TRIM44: variants seen among roughly 807,000 people sequenced by gnomAD.
TRIM44 encodes the protein tripartite motif containing 44.
A neutral mutation model predicts 37.4 loss-of-function variants in TRIM44; 13 were observed. The observed-to-expected ratio is 0.35, with a 90% CI of 0.23 to 0.55. The LOEUF is 0.55. Ranked by LOEUF, TRIM44 falls within the 20% of genes least tolerant of loss-of-function variation. TRIM44 has a pLI of 0.89. For missense variants in TRIM44, 426 were observed against 437.2 expected (o/e 0.97, Z 0.23); for synonymous variants, 175 against 157.2 (o/e 1.11, Z -0.85).
chr11:35,799,731 A>G (rs1419668976), intron 4 of TRIM44, among the ~76,000 whole-genome samples: 1 of 152,184 alleles, frequency 6.6e-6, no homozygotes, highest in Non-Finnish European at 1.5e-5. Context: ...AGATAATACC[A>G]GAAGCTATCG....
At chr11:35,682,864 A>G (rs1359660223) in intron 1 of TRIM44, among the ~76,000 whole-genome samples, 6 of 152,212 alleles carry the variant, frequency 3.9e-5, no homozygotes, top group Admixed American at 3.9e-4. Context: ...TTGTCGTTTT[A>G]TTCTTTTCTG....
chr11:35,756,370 T>C (rs1345135791), intron 4 of TRIM44, among the ~76,000 whole-genome samples: 3 of 152,218 alleles, frequency 2.0e-5, no homozygotes, highest in African/African-American at 4.8e-5. Flanking sequence ...CCTGAGACTT[T>C]GCTGAAGTTG....
chr11:35,796,445 G>A (rs1312868939), intron 4 of TRIM44, among the ~76,000 whole-genome samples: 2 of 152,188 alleles, frequency 1.3e-5, no homozygotes, highest in African/African-American at 2.4e-5. Context: ...TAAATCTTAT[G>A]TTTAAGATTT....
chr11:35,724,011 CATT>C (rs1852138782), intron 2 of TRIM44, among the ~76,000 whole-genome samples: 1 of 152,118 alleles, frequency 6.6e-6, no homozygotes, highest in Non-Finnish European at 1.5e-5. Context: ...TTTACAGGGA[CATT>C]AATAACATTT....
At chr11:35,724,265 C>T (rs893535923) in intron 2 of TRIM44, 2 of 152,180 alleles carry the variant, frequency 1.3e-5, no homozygotes, top group African/African-American at 4.8e-5. Context: ...TCACAGTTTC[C>T]TTTCTTAGGT....
At chr11:35,741,898 G>C (rs1852401723) in intron 4 of TRIM44, among the ~76,000 whole-genome samples, 1 of 152,130 alleles carries the variant, frequency 6.6e-6, no homozygotes, top group South Asian at 2.1e-4. Flanking sequence ...GTTTGAAAGA[G>C]AGCTAAATAA....
rs193193381 is a variant in TRIM44 at position 35,671,170 on chromosome 11, T to C, written c.669+7390T>C. Among the ~76,000 whole-genome samples, 8 of 152,340 alleles carry C rather than the reference T, an allele frequency of 5.3e-5. No homozygotes were observed. In the East Asian group the frequency reaches 1.5e-3, roughly 29 times the overall value. On this transcript the variant is annotated intron_variant, in intron 1 of 4. Coordinates refer to ENST00000299413, the MANE Select transcript of TRIM44 (RefSeq NM_017583.6). ...TGAAAGTCTGTACTTCTGTCAGAGC[T>C]TACATTCTGTTGGAAGGAAGTAGAA...
intron 3 of TRIM44, 141 bp downstream of exon 3, chr11:35,726,304 C>A (rs1412082639): frequency 1.8e-6 from 2 of 1,142,030 alleles, no homozygotes; most frequent in Non-Finnish European, 2.4e-6. Flanking sequence ...GTGTATAAAC[C>A]AGTATGGAAG....
At position 35,810,861 on chromosome 11, in the gene TRIM44, TC is replaced by T. The variant is rs1233414987; in HGVS notation, c.*4480del. 6.6e-6 allele frequency: 1 copy of T among 152,206 alleles called. No homozygotes were observed. The highest frequency in any genetic ancestry group is 1.5e-5 in the Non-Finnish European group (1 of 68,044). The allele number at this position is 152,206 out of a possible 1,614,324, so 9.4% of individuals were successfully genotyped here. On this transcript the variant is annotated 3_prime_UTR_variant, in exon 5 of 5. Transcript: ENST00000299413. The stretch of plus-strand genomic sequence containing the variant: ...AGTCACATTCCCTCCTTAGGAATCT[TC>T]CCCTTCCACCCTTTACATTAAACAA...
chr11:35,805,254 C>G (rs1853432571), intron 4 of TRIM44, among the ~76,000 whole-genome samples: 1 of 152,200 alleles, frequency 6.6e-6, no homozygotes, highest in South Asian at 2.1e-4. Flanking sequence ...CCCCGGTCCA[C>G]AGTAAGCACT....
At chr11:35,734,886 A>G (rs532752997) in intron 3 of TRIM44, among the ~76,000 whole-genome samples, 1 of 152,344 alleles carries the variant, frequency 6.6e-6, no homozygotes, top group South Asian at 2.1e-4. Flanking sequence ...ATGTTTGCCC[A>G]AGGACACATA....
intron 4 of TRIM44, among the ~76,000 whole-genome samples, chr11:35,794,759 C>T (rs1853259419): frequency 6.6e-6 from 1 of 152,218 alleles, no homozygotes; most frequent in Admixed American, 6.5e-5. Context: ...GTTTCTTGAA[C>T]AGTCACGCTT....
At chr11:35,664,032 G>T (rs1167164305) in intron 1 of TRIM44, among the ~76,000 whole-genome samples, 1 of 152,102 alleles carries the variant, frequency 6.6e-6, no homozygotes, top group African/African-American at 2.4e-5. Context: ...CAAGTTTCTG[G>T]TCTGTGGATC....
intron 2 of TRIM44, among the ~76,000 whole-genome samples, chr11:35,712,658 C>G (rs1333644116): frequency 6.6e-6 from 1 of 152,170 alleles, no homozygotes; most frequent in Non-Finnish European, 1.5e-5. Flanking sequence ...GCTCCAGCTC[C>G]TCTCTGCACT....
intron 4 of TRIM44, among the ~76,000 whole-genome samples, chr11:35,755,439 T>C (rs576784253): frequency 6.6e-6 from 1 of 152,294 alleles, no homozygotes; most frequent in South Asian, 2.1e-4. Flanking sequence ...AAAAATTATC[T>C]CCCATTCTGT....
intron 4 of TRIM44, among the ~76,000 whole-genome samples, chr11:35,755,816 G>C (rs1440432000): frequency 2.0e-5 from 3 of 152,192 alleles, no homozygotes; most frequent in Non-Finnish European, 4.4e-5. Flanking sequence ...GATAGTTGTA[G>C]ATATGCGGCG....
intron 4 of TRIM44, among the ~76,000 whole-genome samples, chr11:35,805,754 A>G (rs1247315677): frequency 6.6e-6 from 1 of 152,228 alleles, no homozygotes; most frequent in Non-Finnish European, 1.5e-5. Context: ...AGTAAATCGT[A>G]AACAAATAAA....
intron 1 of TRIM44, among the ~76,000 whole-genome samples, chr11:35,684,929 G>C (rs1851557020): frequency 6.6e-6 from 1 of 152,192 alleles, no homozygotes; most frequent in South Asian, 2.1e-4. Context: ...TTACCAGTCT[G>C]TAAAATAGAC....
chr11:35,789,934 AG>A (rs1168529035), intron 4 of TRIM44, among the ~76,000 whole-genome samples: 1 of 152,166 alleles, frequency 6.6e-6, no homozygotes, highest in African/African-American at 2.4e-5. Flanking sequence ...TTGATTTCTA[AG>A]CCATAAACAG....
Sources: gnomAD v4.1 joint callset for allele counts (sites outside exome capture counted in the v4.1 genomes callset) on GRCh38, gnomAD v4.1.1 for gene constraint, MANE v1.5 for transcripts, NCBI Gene and HGNC (gene_info 2026-07-23, HGNC 2026-07-21) for gene names.